Variants in HDAC4 observed in about 807,000 individuals in gnomAD.
HDAC4 encodes histone deacetylase A.
In HDAC4, 16 loss-of-function variants were observed where a neutral mutation model predicts 135.1. That is an observed-to-expected ratio of 0.12 (90% CI 0.08 to 0.18). The LOEUF is 0.18. Among genes scored for constraint, HDAC4 ranks in the 10% least tolerant of loss-of-function variants. The probability of loss-of-function intolerance (pLI) is 1.00; values close to 1 mark genes in which losing one functional copy is unlikely to be tolerated. For synonymous variants in HDAC4, 685 were observed against 653.4 expected (o/e 1.05, Z -0.74); for missense variants, 1,143 against 1,511.8 (o/e 0.76, Z 4.05).
chr2:239,162,933 G>T (rs575870416), intron 6 of HDAC4, among the ~76,000 whole-genome samples: 1 of 152,188 alleles, frequency 6.6e-6, no homozygotes, highest in East Asian at 1.9e-4. Context: ...CTGATATTTC[G>T]ATTTACAAAA....
chr2:239,263,275 G>T (rs1206670043), intron 2 of HDAC4, among the ~76,000 whole-genome samples: 5 of 79,556 alleles, frequency 6.3e-5, no homozygotes, highest in South Asian at 3.8e-4. Flanking sequence ...CCCCCGCCCA[G>T]CCCAGCCCCC....
chr2:239,052,848 CGTGTGTCT>C lies in HDAC4; in HGVS notation c.*241_*248del. ...AGAGTGTGCTTGGCTTCCGCGTGTC[CGTGTGTCT>C]GCGCGTCGCCGGCGTCTGTCCCGTG... is the stretch of plus-strand genomic sequence containing the variant. On this transcript the variant is annotated 3_prime_UTR_variant, in exon 27 of 27. Transcript: ENST00000543185. 1 of 559,848 alleles carries C rather than the reference CGTGTGTCT, an allele frequency of 1.8e-6. No individual in the cohort carries two copies. The highest frequency in any genetic ancestry group is 3.2e-6 in the Non-Finnish European group (1 of 311,380). 34.7% of individuals were successfully genotyped at this position (559,848 alleles called of 1,614,324 possible).
intron 6 of HDAC4, among the ~76,000 whole-genome samples, chr2:239,159,174 G>A (rs561878682): frequency 7.1e-6 from 1 of 140,874 alleles, no homozygotes; most frequent in South Asian, 2.3e-4. Flanking sequence ...ACTACTACTC[G>A]CCCCCAATTC....
chr2:239,065,516 T>A (rs138783066), intron 24 of HDAC4, among the ~76,000 whole-genome samples: 3 of 152,080 alleles, frequency 2.0e-5, no homozygotes, highest in African/African-American at 7.2e-5. Context: ...GAGCATCAAA[T>A]GGGGGTGAAA....
chr2:239,380,049 G>C (rs970996773), intron 1 of HDAC4, among the ~76,000 whole-genome samples: 1 of 152,186 alleles, frequency 6.6e-6, no homozygotes, highest in Non-Finnish European at 1.5e-5. Context: ...CTGGGAGGGC[G>C]TGCACGAAAA....
At chr2:239,089,908 C>T in intron 18 of HDAC4, 101 bp downstream of exon 18, 1 of 885,404 alleles carries the variant, frequency 1.1e-6, no homozygotes, top group East Asian at 2.4e-5. Context: ...ACAGCCGCCT[C>T]CCAGCCTGAT....
chr2:239,196,938 C>T (rs1322145168), intron 3 of HDAC4, among the ~76,000 whole-genome samples: 2 of 152,214 alleles, frequency 1.3e-5, no homozygotes, highest in African/African-American at 4.8e-5. Flanking sequence ...CAGACGCTGC[C>T]TCCGAAGCTG....
At chr2:239,173,192 G>A (rs531347820) in intron 5 of HDAC4, among the ~76,000 whole-genome samples, 3 of 152,268 alleles carry the variant, frequency 2.0e-5, no homozygotes, top group South Asian at 4.1e-4. Flanking sequence ...ACTTGACGAG[G>A]ACATTATGAG....
At chr2:239,152,853 A>G (rs967932368) in intron 7 of HDAC4, among the ~76,000 whole-genome samples, 3 of 152,242 alleles carry the variant, frequency 2.0e-5, no homozygotes, top group African/African-American at 7.2e-5. Flanking sequence ...AACAGCGTAG[A>G]GAAACAAGAG....
At chr2:239,109,922 A>G (rs1305217880) in intron 14 of HDAC4, among the ~76,000 whole-genome samples, 1 of 152,220 alleles carries the variant, frequency 6.6e-6, no homozygotes, top group Non-Finnish European at 1.5e-5. Flanking sequence ...CTGCCTTTAC[A>G]GACAGAAAAG....
chr2:239,224,850 C>T (rs72988622), intron 3 of HDAC4, among the ~76,000 whole-genome samples: 11,376 of 152,308 alleles, frequency 0.075, 578 homozygotes, highest in South Asian at 0.13. Flanking sequence ...TCTCGCCTCT[C>T]ACATGTTCTA....
At chr2:239,269,438 T>C (rs945721820) in intron 2 of HDAC4, among the ~76,000 whole-genome samples, 1 of 152,258 alleles carries the variant, frequency 6.6e-6, no homozygotes, top group African/African-American at 2.4e-5. Context: ...TTCCTGGCAC[T>C]GGCCAGGTAA....
At chr2:239,298,953 C>T (rs2052080869) in intron 2 of HDAC4, among the ~76,000 whole-genome samples, 1 of 148,010 alleles carries the variant, frequency 6.8e-6, no homozygotes, top group Non-Finnish European at 1.5e-5. Flanking sequence ...ACTGCAAGCT[C>T]CGCCTCCCGG....
chr2:239,197,883 GC>G (rs1204755316), intron 3 of HDAC4, among the ~76,000 whole-genome samples: 6 of 142,956 alleles, frequency 4.2e-5, no homozygotes, highest in Non-Finnish European at 9.0e-5. Flanking sequence ...GTGTGTGTGT[GC>G]TGAGTGTCAC....
At chr2:239,120,395 G>GCACACACAGACACACA (rs769025619) in intron 12 of HDAC4, among the ~76,000 whole-genome samples, 5 of 145,198 alleles carry the variant, frequency 3.4e-5, no homozygotes, top group Non-Finnish European at 7.6e-5. Context: ...ACACACAGAC[G>GCACACACAGACACACA]CACACAGACA....
chr2:239,199,734 T>C, intron 3 of HDAC4, among the ~76,000 whole-genome samples: 1 of 87,894 alleles, frequency 1.1e-5, no homozygotes, highest in African/African-American at 5.1e-5. Flanking sequence ...TCCTGTACAT[T>C]TCTTTTTTTT....
chr2:239,168,784 A>C (rs1371267259), intron 5 of HDAC4, among the ~76,000 whole-genome samples: 2 of 152,204 alleles, frequency 1.3e-5, no homozygotes, highest in South Asian at 4.1e-4. Flanking sequence ...TCCTCACCAC[A>C]AGACCACACT....
intron 24 of HDAC4, among the ~76,000 whole-genome samples, chr2:239,057,976 A>G (rs2032129635): frequency 6.6e-6 from 1 of 152,238 alleles, no homozygotes; most frequent in African/African-American, 2.4e-5. Context: ...GGGATGGGGC[A>G]CTGAGGCTAG....
At chr2:239,071,618 G>C (rs1052328008) in intron 22 of HDAC4, among the ~76,000 whole-genome samples, 3 of 151,926 alleles carry the variant, frequency 2.0e-5, no homozygotes, top group African/African-American at 7.3e-5. Context: ...GCTGTGACTG[G>C]GCCACCTCTG....
Sources: gnomAD v4.1 joint callset for allele counts (sites outside exome capture counted in the v4.1 genomes callset) on GRCh38, gnomAD v4.1.1 for gene constraint, MANE v1.5 for transcripts, NCBI Gene and HGNC (gene_info 2026-07-23, HGNC 2026-07-21) for gene names.